TPH1: variants seen among roughly 807,000 people sequenced by gnomAD.
The protein encoded by TPH1 is tryptophan hydroxylase 1, also known as tryptophan 5-hydroxylase 1.
A neutral mutation model predicts 49.5 loss-of-function variants in TPH1; 37 were observed. That is an observed-to-expected ratio of 0.75 (90% confidence interval 0.58 to 0.98). The LOEUF is 0.98. Ranked by LOEUF, TPH1 falls within the 50% of genes least tolerant of loss-of-function variation. The probability of loss-of-function intolerance (pLI) is 0.00; values close to 1 mark genes in which losing one functional copy is unlikely to be tolerated. For missense variants in TPH1, 487 were observed against 523.6 expected, an observed-to-expected ratio of 0.93 and a Z score of 0.68; for synonymous variants, 160 against 182.1, an observed-to-expected ratio of 0.88 and a Z score of 0.98.
chr11:18,021,893 C>T (rs1337498309), intron 10 of TPH1, among the ~76,000 whole-genome samples: 3 of 152,168 alleles, frequency 2.0e-5, no homozygotes, highest in African/African-American at 7.2e-5. Context: ...ACATCAGTAG[C>T]AGCTGAAATC....
intron 2 of TPH1, 77 bp downstream of exon 2, chr11:18,040,569 G>C: frequency 7.2e-7 from 1 of 1,393,574 alleles, no homozygotes; most frequent in Middle Eastern, 2.5e-4. Context: ...GTCTTGCTAT[G>C]TTGCCCTATA....
At chr11:18,038,345 T>C (rs527842682) in intron 2 of TPH1, among the ~76,000 whole-genome samples, 1 of 152,270 alleles carries the variant, frequency 6.6e-6, no homozygotes, top group African/African-American at 2.4e-5. Flanking sequence ...ATGTAGCAGT[T>C]AGAAGAATGA....
chr11:18,041,043 C>T, intron 1 of TPH1: 1 of 319,326 alleles, frequency 3.1e-6, no homozygotes, highest in Non-Finnish European at 5.9e-6. Context: ...TCTTTTAGGG[C>T]ATGACTGAAG....
At chr11:18,045,064 C>A (rs189315057) in intron 1 of TPH1, among the ~76,000 whole-genome samples, 1 of 152,326 alleles carries the variant, frequency 6.6e-6, no homozygotes, top group Non-Finnish European at 1.5e-5. Flanking sequence ...ATGACCAACT[C>A]TTTTCTTCCC....
At chr11:18,035,404 TTTCTTTC>T (rs1262763548) in intron 3 of TPH1, among the ~76,000 whole-genome samples, 6 of 152 alleles carry the variant, frequency 0.039, no homozygotes, top group African/African-American at 0.071. Context: ...TTCTTTCTTT[TTTCTTTC>T]TTTCTTTCTC....
At chr11:18,024,131 C>G in intron 8 of TPH1, 148 bp from the exon 9 acceptor site, 6 of 696,294 alleles carry the variant, frequency 8.6e-6, no homozygotes, top group Non-Finnish European at 1.6e-5. Flanking sequence ...TGACCTCATT[C>G]TAAACCAGTA....
intron 1 of TPH1, among the ~76,000 whole-genome samples, chr11:18,044,158 C>T (rs1370220861): frequency 1.3e-5 from 2 of 152,108 alleles, no homozygotes; most frequent in Non-Finnish European, 2.9e-5. Context: ...GTAAGTGGCT[C>T]ACACCTGTAA....
Position 18,025,615 on chromosome 11 carries a change from G to T in TPH1, c.890C>A (p.Ser297Tyr), listed in dbSNP as rs745597799. Reference protein sequence around the residue: ...AQFSQEIGLASLGASEEAVQK... With the variant: ...AQFSQEIGLAYLGASEEAVQK... The stretch of plus-strand genomic sequence containing the variant: ...AACAGCCTCCTCTGAAGCGCCAAGA[G>T]AAGCCAAGCCAATTTCTTGGGAGAA... Residue 297 changes from serine to tyrosine, a missense_variant, in exon 8 of 11, where the codon TCT (serine) becomes TAT (tyrosine). Ser to Tyr is a moderately radical substitution (Grantham distance 144). Transcript: ENST00000682019. 6.2e-7 allele frequency: 1 copy of T among 1,613,998 alleles called. No individual in the cohort carries two copies. The highest frequency in any genetic ancestry group is 1.7e-5 in the Admixed American group (1 of 60,010).
Position 18,022,943 on chromosome 11 carries a change from A to T in TPH1, c.1027-12T>A. ...CCAGAAAGTGCATGCTAGAAGACAAAGAGTCAGTGAATCAAAGAATAATAT... is the reference window on the plus strand; with the variant it reads ...CCAGAAAGTGCATGCTAGAAGACAATGAGTCAGTGAATCAAAGAATAATAT... On this transcript the variant is annotated splice_polypyrimidine_tract_variant and intron_variant, in intron 9 of 10. Coordinates refer to ENST00000682019, the MANE Select transcript of TPH1 (RefSeq NM_004179.3). 2 of 1,612,790 alleles carry T rather than the reference A, an allele frequency of 1.2e-6. No homozygotes were observed. The highest frequency in any genetic ancestry group is 1.7e-6 in the Non-Finnish European group (2 of 1,179,290).
At chr11:18,023,858 T>A in intron 9 of TPH1, 30 bp downstream of exon 9, 1 of 1,536,104 alleles carries the variant, frequency 6.5e-7, no homozygotes, top group Non-Finnish European at 9.0e-7. Flanking sequence ...TAGGTGAATA[T>A]GGTTATATAC....
Position 18,029,343 on chromosome 11 carries a change from C to A in TPH1, c.489G>T (p.Lys163Asn), listed in dbSNP as rs189455467. ...TAATCTCCTCTTCAGTGAATTCAAC[C>A]TTTGGAATGGGGTCTCCACTAATGA... ...MNYKHGDPIP[K>N]VEFTEEEIKT... is the part of the protein sequence containing the mutation. Residue 163 changes from lysine (K) to asparagine (N), a missense_variant, in exon 6 of 11, where the codon AAG becomes AAT. By Grantham distance (94) the Lys-to-Asn change is moderately conservative. Transcript: ENST00000682019. The A allele has an allele frequency of 6.2e-7, 1 of 1,613,992 alleles. No homozygotes were observed.
intron 7 of TPH1, among the ~76,000 whole-genome samples, chr11:18,025,959 C>G (rs1282012166): frequency 6.6e-6 from 1 of 151,986 alleles, no homozygotes; most frequent in African/African-American, 2.4e-5. Flanking sequence ...CCCCAACACC[C>G]AACCCCACCA....
intron 6 of TPH1, among the ~76,000 whole-genome samples, chr11:18,028,472 A>G (rs1260546965): frequency 6.6e-6 from 1 of 152,216 alleles, no homozygotes; most frequent in Non-Finnish European, 1.5e-5. Context: ...TGAAGTTTCT[A>G]TCCAACAGTC....
intron 6 of TPH1, 145 bp downstream of exon 6, chr11:18,029,020 C>T: frequency 1.7e-6 from 1 of 603,596 alleles, no homozygotes; most frequent in Non-Finnish European, 2.8e-6. Context: ...ACAGAGGCTG[C>T]AGTGAGCCAA....
chr11:18,027,686 A>G (rs966035287), intron 6 of TPH1, among the ~76,000 whole-genome samples: 45 of 152,220 alleles, frequency 3.0e-4, no homozygotes, highest in African/African-American at 9.9e-4. Context: ...TTTTGTGTGC[A>G]TTACAAAGCG....
intron 1 of TPH1, among the ~76,000 whole-genome samples, chr11:18,044,751 AAAAC>A (rs199570251): frequency 3.4e-5 from 3 of 88,824 alleles, no homozygotes; most frequent in African/African-American, 1.5e-4. Context: ...CTCTTTCAGG[AAAAC>A]AAAACAAAAC....
intron 1 of TPH1, among the ~76,000 whole-genome samples, chr11:18,041,781 TG>T: frequency 6.6e-6 from 1 of 152,346 alleles, no homozygotes; most frequent in Non-Finnish European, 1.5e-5. Flanking sequence ...TAAAACTAAA[TG>T]GCCAGTTAAA....
Position 18,035,950 on chromosome 11 carries a change from T to C in TPH1, c.301+9A>G. ...TCTTCTAAGTAGTATTTTCACATTT[T>C]GAACTTACCATCTTCCTTCAAAGTA... On this transcript the variant is annotated intron_variant, in intron 3 of 10. Coordinates refer to ENST00000682019, the MANE Select transcript of TPH1 (RefSeq NM_004179.3). The C allele has an allele frequency of 1.2e-6, 2 of 1,607,402 alleles. No individual in the cohort carries two copies. The highest frequency in any genetic ancestry group is 1.7e-6 in the Non-Finnish European group (2 of 1,176,254).
intron 1 of TPH1, chr11:18,041,011 GT>G: frequency 8.1e-6 from 3 of 369,620 alleles, no homozygotes; most frequent in Admixed American, 4.4e-5. Flanking sequence ...GTTCCCTTTT[GT>G]TTTTTTTCTA....
Sources: gnomAD v4.1 joint callset for allele counts (sites outside exome capture counted in the v4.1 genomes callset) on GRCh38, gnomAD v4.1.1 for gene constraint, MANE v1.5 for transcripts, NCBI Gene and HGNC (gene_info 2026-07-23, HGNC 2026-07-21) for gene names.